PAK5: variants seen among roughly 807,000 people sequenced by gnomAD.
PAK5 encodes the protein serine/threonine-protein kinase PAK 5.
PAK5 carries 16 observed loss-of-function variants against 65.9 expected under a neutral mutation model. The observed-to-expected ratio is 0.24, with a 90% CI of 0.16 to 0.37. The LOEUF (loss-of-function observed/expected upper bound fraction) is 0.37, where lower values mean the gene tolerates loss of function less well. Among genes scored for constraint, PAK5 ranks in the 10% least tolerant of loss-of-function variants. The pLI is 1.00. For missense variants in PAK5, 785 were observed against 903.9 expected (o/e 0.87, Z 1.69); for synonymous variants, 371 against 354.9 (o/e 1.05, Z -0.51).
chr20:9,596,593 A>G (rs898631916), intron 3 of PAK5, among the ~76,000 whole-genome samples: 5 of 143,394 alleles, frequency 3.5e-5, no homozygotes, highest in African/African-American at 1.1e-4. Flanking sequence ...CTGAGATAGC[A>G]CTACTGCACT....
chr20:9,792,374 T>C (rs942846913), intron 1 of PAK5, among the ~76,000 whole-genome samples: 1 of 152,156 alleles, frequency 6.6e-6, no homozygotes, highest in Non-Finnish European at 1.5e-5. Context: ...GCCTCTAGAT[T>C]AAAAACACAT....
chr20:9,776,693 C>T lies in PAK5; in HGVS notation c.-162+62069G>A, dbSNP rs375973215. Among the ~76,000 whole-genome samples, 288 of 152,254 alleles carry T rather than the reference C, an allele frequency of 1.9e-3. 2 individuals carry two copies. The highest frequency in any genetic ancestry group is 6.8e-3 in the African/African-American group (281 of 41,538). ...AGGCCCATGAAGTGAGGCACTGAGA[C>T]CTCCTGTCAAGACCCATGTGAATGA... On this transcript the variant is annotated intron_variant, in intron 1 of 9. Coordinates refer to ENST00000353224, the MANE Select transcript of PAK5 (RefSeq NM_177990.4).
intron 1 of PAK5, among the ~76,000 whole-genome samples, chr20:9,798,486 A>T (rs1306655550): frequency 3.3e-5 from 5 of 152,114 alleles, no homozygotes; most frequent in African/African-American, 1.2e-4. Context: ...GCTGATTTAC[A>T]GATTTGTGAT....
chr20:9,593,675 C>T (rs1003086700), intron 3 of PAK5, among the ~76,000 whole-genome samples: 1 of 152,114 alleles, frequency 6.6e-6, no homozygotes. Flanking sequence ...GACAGTGTGG[C>T]GATTCCTTAA....
chr20:9,803,003 A>G (rs980690238), intron 1 of PAK5, among the ~76,000 whole-genome samples: 2 of 148,652 alleles, frequency 1.3e-5, no homozygotes, highest in Non-Finnish European at 3.0e-5. Flanking sequence ...CATGCTTCAA[A>G]TACTAGCTAA....
chr20:9,595,058 T>G (rs557588044), intron 3 of PAK5, among the ~76,000 whole-genome samples: 4 of 151,712 alleles, frequency 2.6e-5, no homozygotes, highest in Non-Finnish European at 4.4e-5. Flanking sequence ...TGTGCATATA[T>G]GTACATATAC....
intron 1 of PAK5, among the ~76,000 whole-genome samples, chr20:9,813,875 A>G (rs1354789787): frequency 6.6e-6 from 1 of 152,220 alleles, no homozygotes; most frequent in Non-Finnish European, 1.5e-5. Flanking sequence ...CACTTGGTGA[A>G]AATTCATCCA....
At chr20:9,579,045 C>T (rs971028163) in intron 4 of PAK5, among the ~76,000 whole-genome samples, 6 of 152,210 alleles carry the variant, frequency 3.9e-5, no homozygotes, top group Non-Finnish European at 7.3e-5. Flanking sequence ...TTCTCTTCAA[C>T]ATCTTGGATG....
At chr20:9,564,594 G>T (rs1014501390) in intron 5 of PAK5, among the ~76,000 whole-genome samples, 1 of 152,158 alleles carries the variant, frequency 6.6e-6, no homozygotes, top group Non-Finnish European at 1.5e-5. Context: ...ATTGGTGAGG[G>T]TCTAGATTGG....
At chr20:9,767,918 C>A (rs2048787807) in intron 1 of PAK5, among the ~76,000 whole-genome samples, 1 of 152,096 alleles carries the variant, frequency 6.6e-6, no homozygotes, top group African/African-American at 2.4e-5. Flanking sequence ...GAATACTATG[C>A]AACCATAAAA....
At chr20:9,713,630 A>C (rs966491860) in intron 1 of PAK5, among the ~76,000 whole-genome samples, 6 of 81,124 alleles carry the variant, frequency 7.4e-5, no homozygotes, top group African/African-American at 2.5e-4. Context: ...CATCACTGAA[A>C]GAATAGATAA....
rs972048439 is a variant in PAK5, at chr20:9,538,202, T to C, written c.*1260A>G. On this transcript the variant is annotated 3_prime_UTR_variant, in exon 10 of 10. Transcript: ENST00000353224. ...TCATTTTTATCAACATTCAAGAAGATCTAGACAGCAGCACGACTCTCCTAT... is the reference window on the plus strand; with the variant it reads ...TCATTTTTATCAACATTCAAGAAGACCTAGACAGCAGCACGACTCTCCTAT... 1 of 233,446 alleles carries C rather than the reference T, an allele frequency of 4.3e-6. No homozygotes were observed. The highest frequency in any genetic ancestry group is 2.2e-5 in the African/African-American group (1 of 45,334). The allele number at this position is 233,446 out of a possible 1,614,324, so 14.5% of individuals were successfully genotyped here.
At chr20:9,726,650 A>G (rs2048280737) in intron 1 of PAK5, among the ~76,000 whole-genome samples, 1 of 152,144 alleles carries the variant, frequency 6.6e-6, no homozygotes, top group Admixed American at 6.5e-5. Flanking sequence ...AGGATTTTTC[A>G]CCAAGTATTT....
chr20:9,568,228 G>C (rs542408939), intron 4 of PAK5, among the ~76,000 whole-genome samples: 1 of 152,230 alleles, frequency 6.6e-6, no homozygotes, highest in African/African-American at 2.4e-5. Context: ...TTGGTGGCAA[G>C]AGTGGAAACA....
chr20:9,734,807 G>A (rs556710761), intron 1 of PAK5, among the ~76,000 whole-genome samples: 1 of 152,280 alleles, frequency 6.6e-6, no homozygotes, highest in South Asian at 2.1e-4. Flanking sequence ...TTGCAGAAAC[G>A]AAGGAAGAGA....
intron 1 of PAK5, among the ~76,000 whole-genome samples, chr20:9,827,482 A>T (rs1352672363): frequency 6.6e-6 from 1 of 152,176 alleles, no homozygotes; most frequent in East Asian, 1.9e-4. Context: ...GGTGCTGGGG[A>T]TACAAAGGTG....
At chr20:9,789,823 A>G (rs1338833259) in intron 1 of PAK5, among the ~76,000 whole-genome samples, 1 of 152,144 alleles carries the variant, frequency 6.6e-6, no homozygotes, top group Non-Finnish European at 1.5e-5. Flanking sequence ...GTCACTCTTG[A>G]TCACCATATG....
intron 4 of PAK5, among the ~76,000 whole-genome samples, chr20:9,575,003 C>T (rs992395373): frequency 2.0e-5 from 3 of 152,154 alleles, no homozygotes; most frequent in Non-Finnish European, 2.9e-5. Context: ...ATGGTTGAAT[C>T]TGGGCATGAC....
intron 3 of PAK5, among the ~76,000 whole-genome samples, chr20:9,621,308 G>A (rs6118669): frequency 0.054 from 8,231 of 151,472 alleles, 307 homozygotes; most frequent in East Asian, 0.11. Flanking sequence ...AACAGATGGC[G>A]GGCAGAATTT....
Sources: allele counts gnomAD v4.1 joint callset (sites outside exome capture counted in the v4.1 genomes callset), GRCh38; gene constraint gnomAD v4.1.1; transcripts MANE v1.5; gene names NCBI Gene and HGNC (gene_info 2026-07-23, HGNC 2026-07-21).